Variants in KALRN observed in about 807,000 individuals in gnomAD.
KALRN encodes the protein kalirin.
Under a neutral mutation model 353.7 loss-of-function variants are expected in KALRN, and 70 were observed. That is an observed-to-expected ratio of 0.20 (90% confidence interval 0.16 to 0.24). The LOEUF is 0.24. Among genes scored for constraint, KALRN ranks in the 10% least tolerant of loss-of-function variants. The probability of loss-of-function intolerance (pLI) is 1.00; values close to 1 mark genes in which losing one functional copy is unlikely to be tolerated. For synonymous variants in KALRN, 1,391 were observed against 1,434.8 expected (o/e 0.97, Z 0.69); for missense variants, 2,791 against 3,756.7 (o/e 0.74, Z 6.72).
Position 124,466,034 on chromosome 3 carries a change from C to CTGTGTGTGTG in KALRN, c.4031+3435_4031+3444dup, listed in dbSNP as rs10639598. ...ACCAGGATTAGTTCTCTCTCTTGCT[C>CTGTGTGTGTG]TGTGTGTGTGTGTGTGTGTGTGTGT... is the stretch of plus-strand genomic sequence containing the variant. On this transcript the variant is annotated intron_variant, in intron 25 of 59. Transcript: ENST00000682506. Among the ~76,000 whole-genome samples the CTGTGTGTGTG allele has an allele frequency of 8.8e-4, 130 of 147,458 alleles. 1 individual carries two copies. In the East Asian group the frequency reaches 0.013, roughly 15 times the overall value.
intron 3 of KALRN, among the ~76,000 whole-genome samples, chr3:124,251,355 C>CTTTTTTTT (rs57628448): frequency 1.0e-4 from 14 of 133,668 alleles, no homozygotes; most frequent in Non-Finnish European, 1.6e-4. Context: ...CAAGTCTTTG[C>CTTTTTTTT]TTTTTTTTTT....
chr3:124,684,595 T>A lies in KALRN; in HGVS notation c.7377+5078T>A, dbSNP rs370310692. Reference sequence around the variant, plus strand: ...CTCTGGAAAGTTGCACAGCTCCAAGTGTACAGGTGTTTATACAGTGATGTG... The same window carrying A: ...CTCTGGAAAGTTGCACAGCTCCAAGAGTACAGGTGTTTATACAGTGATGTG... On this transcript the variant is annotated intron_variant, in intron 51 of 59. Coordinates refer to ENST00000682506, the MANE Select transcript of KALRN (RefSeq NM_001388419.1). Among the ~76,000 whole-genome samples, 6 of 152,314 alleles carry A rather than the reference T, an allele frequency of 3.9e-5. No homozygotes were observed. The East Asian group carries it at 5.8e-4, about 15-fold the overall frequency.
intron 25 of KALRN, among the ~76,000 whole-genome samples, chr3:124,463,668 A>C (rs1031744373): frequency 6.6e-6 from 1 of 152,224 alleles, no homozygotes; most frequent in African/African-American, 2.4e-5. Flanking sequence ...GCCATATTCG[A>C]TATCTCAGCT....
intron 33 of KALRN, chr3:124,519,860 T>C (rs191694726): frequency 6.1e-6 from 6 of 985,414 alleles, no homozygotes; most frequent in South Asian, 4.7e-5. Context: ...AGGCTGTTGA[T>C]ATACAGTGAT....
intron 1 of KALRN, among the ~76,000 whole-genome samples, chr3:124,110,467 G>GTGCACA (rs1380649365): frequency 5.5e-5 from 3 of 54,166 alleles, no homozygotes; most frequent in Admixed American, 2.6e-4. Context: ...ATACACACGC[G>GTGCACA]CGCACACACA....
intron 49 of KALRN, 103 bp from the exon 50 acceptor site, chr3:124,678,087 A>G: frequency 7.7e-7 from 1 of 1,294,830 alleles, no homozygotes; most frequent in South Asian, 1.3e-5. Context: ...CCCGGGCTTG[A>G]TGGAGCACCT....
chr3:124,295,400 G>T (rs1185983000), intron 5 of KALRN, among the ~76,000 whole-genome samples: 1 of 152,190 alleles, frequency 6.6e-6, no homozygotes, highest in South Asian at 2.1e-4. Flanking sequence ...ACCTCATTTT[G>T]TAAGAAGCTG....
intron 51 of KALRN, among the ~76,000 whole-genome samples, chr3:124,681,629 CTTTTTTTTTTTTT>C (rs56934346): frequency 9.6e-6 from 1 of 103,722 alleles, no homozygotes; most frequent in African/African-American, 3.9e-5. Flanking sequence ...CAGTGATTGT[CTTTTTTTTTTTTT>C]TTTTTTTTTG....
chr3:124,337,500 A>T (rs969267986), intron 9 of KALRN, among the ~76,000 whole-genome samples: 1 of 152,152 alleles, frequency 6.6e-6, no homozygotes, highest in South Asian at 2.1e-4. Context: ...AGCTGACTTG[A>T]TCATGGTGGA....
At chr3:124,348,576 C>G (rs1276688763) in intron 10 of KALRN, among the ~76,000 whole-genome samples, 1 of 152,158 alleles carries the variant, frequency 6.6e-6, no homozygotes, top group Non-Finnish European at 1.5e-5. Flanking sequence ...ATATAGAACC[C>G]TTGTGCACTG....
chr3:124,581,217 G>A (rs1264727501), intron 34 of KALRN, among the ~76,000 whole-genome samples: 4 of 152,010 alleles, frequency 2.6e-5, no homozygotes, highest in African/African-American at 4.8e-5. Flanking sequence ...GGCTGGGTAT[G>A]GTGGCTCACG....
intron 33 of KALRN, chr3:124,518,939 G>A (rs2066927334): frequency 3.0e-6 from 3 of 995,756 alleles, no homozygotes; most frequent in African/African-American, 3.5e-5. Flanking sequence ...TTCTAATCTA[G>A]CTTGTATCCC....
intron 37 of KALRN, among the ~76,000 whole-genome samples, chr3:124,648,072 G>A (rs1422447884): frequency 6.6e-6 from 1 of 152,214 alleles, no homozygotes; most frequent in African/African-American, 2.4e-5. Context: ...GGCCACCACT[G>A]CCTGTTTTCT....
chr3:124,720,903 A>C lies in KALRN; in HGVS notation c.*1433A>C, dbSNP rs1008292464. Reference sequence around the variant, plus strand: ...CATGATCCACCCTTAGTTTTCTAGAATGTGTGTTGAAAATTGCGATTATAC... The same window carrying C: ...CATGATCCACCCTTAGTTTTCTAGACTGTGTGTTGAAAATTGCGATTATAC... On this transcript the variant is annotated 3_prime_UTR_variant, in exon 60 of 60. Transcript: ENST00000682506. The C allele has an allele frequency of 2.6e-5, 4 of 152,156 alleles. No individual in the cohort carries two copies. The highest frequency in any genetic ancestry group is 2.9e-5 in the Non-Finnish European group (2 of 68,036). 9.4% of individuals were successfully genotyped at this position (152,156 alleles called of 1,614,324 possible).
chr3:124,119,505 A>G (rs2063767143), intron 1 of KALRN, among the ~76,000 whole-genome samples: 1 of 152,224 alleles, frequency 6.6e-6, no homozygotes, highest in Non-Finnish European at 1.5e-5. Flanking sequence ...GAGGAAAATG[A>G]AGTCAGCTCA....
intron 33 of KALRN, among the ~76,000 whole-genome samples, chr3:124,547,277 G>A (rs947597133): frequency 6.6e-6 from 1 of 151,862 alleles, no homozygotes; most frequent in African/African-American, 2.4e-5. Context: ...TGGGATTGTA[G>A]GTATAATCCA....
chr3:124,580,500 A>G (rs1177468921), intron 34 of KALRN, among the ~76,000 whole-genome samples: 2 of 152,294 alleles, frequency 1.3e-5, no homozygotes, highest in South Asian at 2.1e-4. Context: ...TTTTAAAATC[A>G]TATTCTCCAC....
chr3:124,283,268 A>G (rs2075527041), intron 5 of KALRN, among the ~76,000 whole-genome samples: 1 of 152,248 alleles, frequency 6.6e-6, no homozygotes, highest in Non-Finnish European at 1.5e-5. Flanking sequence ...TAGCTCATCT[A>G]AATTAACTTG....
intron 51 of KALRN, among the ~76,000 whole-genome samples, chr3:124,687,739 C>T (rs2061629281): frequency 6.6e-6 from 1 of 151,830 alleles, no homozygotes; most frequent in African/African-American, 2.4e-5. Flanking sequence ...GAATCAGTAT[C>T]ATACAGACCA....
Sources: gnomAD v4.1 joint callset for allele counts (sites outside exome capture counted in the v4.1 genomes callset) on GRCh38, gnomAD v4.1.1 for gene constraint, MANE v1.5 for transcripts, NCBI Gene and HGNC (gene_info 2026-07-23, HGNC 2026-07-21) for gene names.